TIAM1: variants seen among roughly 807,000 people sequenced by gnomAD.
TIAM1 encodes the protein TIAM Rac1 associated GEF 1.
A neutral mutation model predicts 163.5 loss-of-function variants in TIAM1; 65 were observed. That is an observed-to-expected ratio of 0.40 (90% CI 0.33 to 0.49). The LOEUF is 0.49. TIAM1 is among the 20% of genes least tolerant of loss of function. The pLI, the probability that TIAM1 is intolerant of heterozygous loss-of-function variation, is 0.77. For synonymous variants in TIAM1, 833 were observed against 810.1 expected, an observed-to-expected ratio of 1.03 and a Z score of -0.48; for missense variants, 1,789 against 2,044.7, an observed-to-expected ratio of 0.87 and a Z score of 2.41.
At chr21:31,335,283 T>A (rs2075801799) in intron 2 of TIAM1, among the ~76,000 whole-genome samples, 1 of 152,142 alleles carries the variant, frequency 6.6e-6, no homozygotes, top group South Asian at 2.1e-4. Flanking sequence ...TTGCAGTTTT[T>A]AAAATATTAC....
intron 1 of TIAM1, among the ~76,000 whole-genome samples, chr21:31,513,426 C>T (rs970035346): frequency 2.0e-5 from 3 of 152,224 alleles, no homozygotes; most frequent in East Asian, 3.9e-4. Context: ...CGCTATTAAG[C>T]GAACTTCCTC....
chr21:31,423,821 G>A (rs2043678809), intron 2 of TIAM1, among the ~76,000 whole-genome samples: 1 of 128,692 alleles, frequency 7.8e-6, no homozygotes, highest in African/African-American at 2.8e-5. Flanking sequence ...GAATAGGCAA[G>A]GCCACAGAGA....
upstream of TIAM1, among the ~76,000 whole-genome samples, chr21:31,348,683 A>G (rs1213118978): frequency 6.6e-6 from 1 of 152,190 alleles, no homozygotes; most frequent in Non-Finnish European, 1.5e-5. Context: ...ATGCTAGGTA[A>G]TCTGAGGGTC....
At chr21:31,165,786 T>A (rs1160851458) in intron 15 of TIAM1, among the ~76,000 whole-genome samples, 1 of 152,204 alleles carries the variant, frequency 6.6e-6, no homozygotes, top group African/African-American at 2.4e-5. Context: ...AAATAAGCCA[T>A]ACTGAGAACA....
chr21:31,367,535 C>T (rs1214613566), intron 2 of TIAM1, among the ~76,000 whole-genome samples: 1 of 152,024 alleles, frequency 6.6e-6, no homozygotes. Context: ...GGTATTCAAC[C>T]CAAACTTACC....
chr21:31,269,852 T>A (rs964502783), intron 3 of TIAM1, among the ~76,000 whole-genome samples: 1 of 152,102 alleles, frequency 6.6e-6, no homozygotes, highest in African/African-American at 2.4e-5. Context: ...TTTGTATTTT[T>A]ATTAGAGACA....
chr21:31,163,559 C>T (rs888994208), intron 16 of TIAM1, among the ~76,000 whole-genome samples: 2 of 152,020 alleles, frequency 1.3e-5, no homozygotes, highest in African/African-American at 4.8e-5. Context: ...ATCCTACAGT[C>T]AGGAAAGAGA....
intron 2 of TIAM1, among the ~76,000 whole-genome samples, chr21:31,372,862 C>T (rs2076619448): frequency 6.6e-6 from 1 of 151,936 alleles, no homozygotes; most frequent in South Asian, 2.1e-4. Context: ...TCGAGACCAG[C>T]TTGACCAACA....
intron 26 of TIAM1, among the ~76,000 whole-genome samples, chr21:31,126,099 G>C (rs1423391995): frequency 1.3e-5 from 2 of 152,102 alleles, no homozygotes; most frequent in Non-Finnish European, 2.9e-5. Flanking sequence ...ATGAATGTAA[G>C]GTGTTTAGCA....
chr21:31,322,760 A>C (rs142776943), intron 2 of TIAM1, among the ~76,000 whole-genome samples: 58 of 152,346 alleles, frequency 3.8e-4, no homozygotes, highest in Middle Eastern at 3.4e-3. Context: ...GTTATGGCTG[A>C]ATATTAGGTC....
chr21:31,454,183 CAA>C (rs2044997296), intron 2 of TIAM1, among the ~76,000 whole-genome samples: 1 of 152,182 alleles, frequency 6.6e-6, no homozygotes, highest in Admixed American at 6.5e-5. Flanking sequence ...GCAAGCTCCA[CAA>C]AGACCGATTT....
chr21:31,127,149 G>C lies in TIAM1; in HGVS notation c.4049C>G (p.Ala1350Gly). 1 of 1,613,698 alleles carries C rather than the reference G, an allele frequency of 6.2e-7. No individual in the cohort carries two copies. The highest frequency in any genetic ancestry group is 1.6e-4 in the Middle Eastern group (1 of 6,062). ...LQVRALASAD[A>G]EANAVCEIVH... ...AATTTCACACACGGCATTTGCCTCT[G>C]CATCTAAAGAAATTAAAACAACAAT... is the stretch of plus-strand genomic sequence containing the variant. Residue 1350 changes from alanine to glycine, a missense_variant, in exon 26 of 28, where the codon GCA becomes GGA. Transcript: ENST00000541036.
intron 2 of TIAM1, among the ~76,000 whole-genome samples, chr21:31,445,510 T>C (rs1432617344): frequency 6.6e-6 from 1 of 152,228 alleles, no homozygotes; most frequent in African/African-American, 2.4e-5. Context: ...CCACTTGCCA[T>C]TCTGGATGTC....
intron 2 of TIAM1, chr21:31,452,513 A>G (rs890386061): frequency 3.5e-6 from 2 of 571,124 alleles, no homozygotes; most frequent in African/African-American, 1.9e-5. Flanking sequence ...TAAGAAAGCC[A>G]GATACCTGGA....
intron 17 of TIAM1, 147 bp downstream of exon 17, chr21:31,154,100 A>G: frequency 1.1e-6 from 1 of 904,360 alleles, no homozygotes; most frequent in Non-Finnish European, 1.6e-6. Context: ...AGCTTTTAAC[A>G]TTCAGAGTAT....
chr21:31,122,401 C>T (rs1370237785), intron 27 of TIAM1, among the ~76,000 whole-genome samples: 1 of 152,170 alleles, frequency 6.6e-6, no homozygotes, highest in Non-Finnish European at 1.5e-5. Context: ...CAACTCAAAG[C>T]TACTGGAAAT....
At chr21:31,228,240 A>ATCTG (rs1569068837) in intron 6 of TIAM1, among the ~76,000 whole-genome samples, 1 of 46,892 alleles carries the variant, frequency 2.1e-5, no homozygotes, top group East Asian at 1.0e-3. Context: ...AAAAAAAAAA[A>ATCTG]AAAAAAAAAA....
intron 16 of TIAM1, chr21:31,161,035 T>TGTTG: frequency 7.0e-6 from 1 of 143,480 alleles, no homozygotes; most frequent in South Asian, 2.4e-4. Context: ...CTAAGAAAAG[T>TGTTG]TGTGTGTGTG....
chr21:31,335,230 C>CA (rs1458666372), intron 2 of TIAM1, among the ~76,000 whole-genome samples: 1 of 152,166 alleles, frequency 6.6e-6, no homozygotes, highest in Non-Finnish European at 1.5e-5. Flanking sequence ...TGATACGTTT[C>CA]ACCTGTGGAC....
Sources: gnomAD v4.1 joint callset for allele counts (sites outside exome capture counted in the v4.1 genomes callset) on GRCh38, gnomAD v4.1.1 for gene constraint, MANE v1.5 for transcripts, NCBI Gene and HGNC (gene_info 2026-07-23, HGNC 2026-07-21) for gene names.